ABCA5: variants seen among roughly 807,000 people sequenced by gnomAD.
The protein encoded by ABCA5 is cholesterol transporter ABCA5.
Under a neutral mutation model 206.0 loss-of-function variants are expected in ABCA5, and 163 were observed. That is an observed-to-expected ratio of 0.79 (90% CI 0.70 to 0.90). The LOEUF is 0.90. Ranked by LOEUF, ABCA5 falls within the 40% of genes least tolerant of loss-of-function variation. The pLI, the probability that ABCA5 is intolerant of heterozygous loss-of-function variation, is 0.00. For synonymous variants in ABCA5, 609 were observed against 613.8 expected, an observed-to-expected ratio of 0.99 and a Z score of 0.11; for missense variants, 1,859 against 1,912.9, an observed-to-expected ratio of 0.97 and a Z score of 0.53.
At chr17:69,281,033 A>G (rs1439660933) in intron 18 of ABCA5, among the ~76,000 whole-genome samples, 1 of 149,088 alleles carries the variant, frequency 6.7e-6, no homozygotes, top group East Asian at 1.9e-4. Flanking sequence ...AAAGTATAAT[A>G]ATAAAAAAAA....
At chr17:69,248,582 T>C (rs927759270) in intron 37 of ABCA5, 15 of 254,960 alleles carry the variant, frequency 5.9e-5, no homozygotes, top group Non-Finnish European at 9.1e-5. Context: ...TTCCTGGTGA[T>C]TCTTTTCATG....
chr17:69,296,250 A>G (rs11651872), intron 10 of ABCA5, among the ~76,000 whole-genome samples: 60,095 of 152,040 alleles, frequency 0.4, 12,747 homozygotes, highest in Middle Eastern at 0.51. Context: ...ATTTACCGTT[A>G]AGAAAGCAGG....
chr17:69,304,943 C>T (rs2075701338), intron 6 of ABCA5, 133 bp from the exon 7 acceptor site: 1 of 690,650 alleles, frequency 1.4e-6, no homozygotes, highest in South Asian at 4.9e-5. Flanking sequence ...TCTGTGTATG[C>T]TTATGTACTA....
intron 1 of ABCA5, among the ~76,000 whole-genome samples, chr17:69,322,439 A>G (rs190272814): frequency 3.3e-5 from 5 of 152,034 alleles, no homozygotes; most frequent in Admixed American, 3.3e-4. Context: ...CATCACTAAA[A>G]GTAATAAAAA....
At chr17:69,316,658 C>A (rs577073080) in intron 1 of ABCA5, among the ~76,000 whole-genome samples, 3 of 142,538 alleles carry the variant, frequency 2.1e-5, no homozygotes, top group Non-Finnish European at 4.6e-5. Context: ...GGGATATAAA[C>A]ACATAAGTTT....
intron 35 of ABCA5, 65 bp from the exon 36 acceptor site, chr17:69,250,686 A>G (rs1203463611): frequency 8.5e-6 from 10 of 1,183,366 alleles, no homozygotes; most frequent in Non-Finnish European, 1.2e-5. Flanking sequence ...AATCTCTCAC[A>G]CATATAACTA....
At chr17:69,270,961 A>G (rs1422358915) in intron 21 of ABCA5, among the ~76,000 whole-genome samples, 1 of 151,764 alleles carries the variant, frequency 6.6e-6, no homozygotes, top group East Asian at 1.9e-4. Context: ...AATTTTTTAA[A>G]AAACTAAATT....
intron 3 of ABCA5, among the ~76,000 whole-genome samples, chr17:69,311,644 C>A (rs187945477): frequency 1.6e-3 from 238 of 152,184 alleles, no homozygotes; most frequent in African/African-American, 5.5e-3. Flanking sequence ...CACCCACCAC[C>A]ATGGCTGGAT....
intron 28 of ABCA5, among the ~76,000 whole-genome samples, 154 bp downstream of exon 28, chr17:69,259,552 G>C (rs1018804607): frequency 6.6e-6 from 1 of 151,940 alleles, no homozygotes; most frequent in Non-Finnish European, 1.5e-5. Flanking sequence ...CCTAAGACTG[G>C]GAGCTATGGG....
chr17:69,255,547 C>G lies in ABCA5; in HGVS notation c.4064G>C (p.Gly1355Ala). The change falls in exon 31 of 39, where the codon GGC becomes GCC. Residue 1355 changes from glycine to alanine, a missense_variant. Gly to Ala is a moderately conservative substitution (Grantham distance 60). Transcript: ENST00000392676. ...ILVGDIEPTS[G>A]QVFLGDYSSE... is the part of the protein sequence containing the mutation. The stretch of plus-strand genomic sequence containing the variant: ...CTATACTCTTATATATCATACCTGG[C>G]CTGAAGTTGGTTCAATATCACCAAC... 6.4e-7 allele frequency: 1 copy of G among 1,552,674 alleles called. No homozygotes were observed. The highest frequency in any genetic ancestry group is 8.6e-7 in the Non-Finnish European group (1 of 1,156,482).
At chr17:69,248,479 C>T in intron 37 of ABCA5, 162 bp from the exon 38 acceptor site, 1 of 515,526 alleles carries the variant, frequency 1.9e-6, no homozygotes, top group Non-Finnish European at 3.6e-6. Flanking sequence ...CTTTCTCTTC[C>T]CCACACCTAT....
chr17:69,286,100 A>G (rs2075448780), intron 16 of ABCA5, 63 bp from the exon 17 acceptor site: 6 of 1,569,484 alleles, frequency 3.8e-6, no homozygotes, highest in Non-Finnish European at 5.2e-6. Context: ...TAAATTATGA[A>G]GGCTTTAAAT....
In ABCA5 at chr17:69,274,136, G is replaced by GAAAA; in HGVS notation, c.2595-12_2595-9dup. On this transcript the variant is annotated splice_polypyrimidine_tract_variant and intron_variant, in intron 19 of 38. Transcript: ENST00000392676. ...ATTAAAAGCAGAAGCAACCTGAAAA[G>GAAAA]AAAAAAAAAACAACACAGCTCAGGG... 7.2e-7 allele frequency: 1 copy of GAAAA among 1,382,552 alleles called. No individual in the cohort carries two copies. The highest frequency in any genetic ancestry group is 1.5e-5 in the African/African-American group (1 of 66,096). The allele number at this position is 1,382,552 out of a possible 1,614,324, so 85.6% of individuals were successfully genotyped here.
intron 28 of ABCA5, 22 bp from the exon 29 acceptor site, chr17:69,256,305 A>C: frequency 6.9e-7 from 1 of 1,455,450 alleles, no homozygotes; most frequent in Non-Finnish European, 9.2e-7. Flanking sequence ...TAATAAATAT[A>C]AAAGACAGTA....
chr17:69,267,777 ATATT>A (rs1449347750), intron 23 of ABCA5, among the ~76,000 whole-genome samples, 162 bp downstream of exon 23: 4 of 152,148 alleles, frequency 2.6e-5, no homozygotes, highest in Non-Finnish European at 5.9e-5. Flanking sequence ...CAAATAATAA[ATATT>A]AATTATCACT....
At chr17:69,317,399 C>CAAAAAAAAAAAA (rs1168274624) in intron 1 of ABCA5, among the ~76,000 whole-genome samples, 1 of 74,582 alleles carries the variant, frequency 1.3e-5, no homozygotes, top group Non-Finnish European at 2.4e-5. Flanking sequence ...GACTCTGTCT[C>CAAAAAAAAAAAA]AAAAAAAAAA....
chr17:69,287,461 T>G, intron 15 of ABCA5, 152 bp downstream of exon 15: 1 of 1,054,112 alleles, frequency 9.5e-7, no homozygotes, highest in Non-Finnish European at 1.3e-6. Context: ...CACAAAAATG[T>G]ATCATTTTAA....
chr17:69,323,922 T>C (rs571530676), intron 1 of ABCA5, among the ~76,000 whole-genome samples: 51 of 152,352 alleles, frequency 3.3e-4, no homozygotes, highest in Non-Finnish European at 5.4e-4. Flanking sequence ...GCAAAAATTA[T>C]ATGAAATTCA....
chr17:69,323,554 CTTTGT>C (rs2075879922), intron 1 of ABCA5, among the ~76,000 whole-genome samples: 1 of 152,176 alleles, frequency 6.6e-6, no homozygotes, highest in Admixed American at 6.5e-5. Flanking sequence ...ATTATCACTC[CTTTGT>C]TTTACCTCTA....
Sources: allele counts gnomAD v4.1 joint callset (sites outside exome capture counted in the v4.1 genomes callset), GRCh38; gene constraint gnomAD v4.1.1; transcripts MANE v1.5; gene names NCBI Gene and HGNC (gene_info 2026-07-23, HGNC 2026-07-21).